The following ZNF831 variants were observed in gnomAD, a reference collection of about 807,000 sequenced individuals.
The protein encoded by ZNF831 is chromosome 20 open reading frame 174.
A neutral mutation model predicts 95.8 loss-of-function variants in ZNF831; 59 were observed. The ratio of observed to expected loss-of-function variants is 0.62; its 90% CI spans 0.50 to 0.77. The LOEUF (loss-of-function observed/expected upper bound fraction) is 0.77. Ranked by LOEUF, ZNF831 falls within the 30% of genes least tolerant of loss-of-function variation. The probability of loss-of-function intolerance (pLI) is 0.00; values close to 1 mark genes in which losing one functional copy is unlikely to be tolerated. For missense variants in ZNF831, 2,205 were observed against 2,164.0 expected, an observed-to-expected ratio of 1.02 and a Z score of -0.38; for synonymous variants, 961 against 925.5, an observed-to-expected ratio of 1.04 and a Z score of -0.70.
chr20:59,130,236 T>C (rs1317741444), intron 1 of ZNF831, among the ~76,000 whole-genome samples: 1 of 152,008 alleles, frequency 6.6e-6, no homozygotes, highest in Non-Finnish European at 1.5e-5. Flanking sequence ...CTTGGGTGGG[T>C]GTCGTGAGAG....
intron 4 of ZNF831, among the ~76,000 whole-genome samples, chr20:59,250,466 A>G (rs908345844): frequency 6.6e-6 from 1 of 152,230 alleles, no homozygotes; most frequent in Non-Finnish European, 1.5e-5. Context: ...TGGTTGACAG[A>G]TTGCACTTGT....
chr20:59,143,221 A>G (rs1276494313), intron 1 of ZNF831, among the ~76,000 whole-genome samples: 1 of 152,102 alleles, frequency 6.6e-6, no homozygotes, highest in Admixed American at 6.5e-5. Context: ...TTTATTTGCC[A>G]TTTTGCTCCT....
intron 4 of ZNF831, among the ~76,000 whole-genome samples, chr20:59,246,702 G>T (rs1300723233): frequency 1.3e-5 from 2 of 152,172 alleles, no homozygotes; most frequent in Non-Finnish European, 2.9e-5. Flanking sequence ...TTTCATCAGA[G>T]AAATAGAAAA....
chr20:59,243,545 G>A (rs971067498), intron 4 of ZNF831, among the ~76,000 whole-genome samples: 15 of 152,070 alleles, frequency 9.9e-5, no homozygotes, highest in African/African-American at 2.9e-4. Context: ...GTCACAAATC[G>A]CCTCAAAATG....
intron 1 of ZNF831, among the ~76,000 whole-genome samples, chr20:59,189,791 G>A (rs1247778545): frequency 2.0e-5 from 3 of 152,174 alleles, no homozygotes; most frequent in East Asian, 1.9e-4. Context: ...GATTACAGGC[G>A]TGAGCCACCA....
At chr20:59,233,599 G>C (rs1986854082) in intron 4 of ZNF831, among the ~76,000 whole-genome samples, 1 of 152,218 alleles carries the variant, frequency 6.6e-6, no homozygotes, top group Non-Finnish European at 1.5e-5. Flanking sequence ...TTCAGTGGAA[G>C]GAGAGTAAAC....
At position 59,192,076 on chromosome 20, in the gene ZNF831, G is replaced by A. The variant is rs1983603868; in HGVS notation, c.1057G>A (p.Ala353Thr). 1 of 1,604,800 alleles carries A rather than the reference G, an allele frequency of 6.2e-7. No homozygotes were observed. Among genetic ancestry groups the A allele is most frequent in the Middle Eastern group, 1.7e-4 (1 of 6,016 alleles). Residue 353 changes from alanine to threonine, a missense_variant, in exon 2 of 6, where the codon GCG (alanine) becomes ACG (threonine). Transcript: ENST00000371030. The surrounding 1 kb of genome is among the most constrained non-coding windows in gnomAD (Gnocchi z 5.2). ...DSGYLSRSDS[A>T]EQPHAPCSPL... ...GGGGTACCTGTCGCGCTCCGACAGC[G>A]CGGAGCAGCCGCATGCGCCCTGCAG...
chr20:59,213,797 A>G (rs1985499469), intron 4 of ZNF831, among the ~76,000 whole-genome samples: 1 of 152,074 alleles, frequency 6.6e-6, no homozygotes, highest in African/African-American at 2.4e-5. Context: ...TGGAATCACC[A>G]TTTTCAACCT....
At chr20:59,240,370 A>G (rs1348970106) in intron 4 of ZNF831, among the ~76,000 whole-genome samples, 1 of 152,200 alleles carries the variant, frequency 6.6e-6, no homozygotes, top group South Asian at 2.1e-4. Context: ...GGTAGAATAG[A>G]ATCCTTCAGG....
chr20:59,154,362 T>C (rs1457843887), intron 2 of ZNF831, among the ~76,000 whole-genome samples: 3 of 152,142 alleles, frequency 2.0e-5, no homozygotes, highest in Non-Finnish European at 4.4e-5. Flanking sequence ...ACCCAGGTGG[T>C]GCGGTCCCAG....
chr20:59,252,823 T>C (rs138194701), intron 4 of ZNF831, among the ~76,000 whole-genome samples, 155 bp from the exon 5 acceptor site: 6 of 152,198 alleles, frequency 3.9e-5, no homozygotes, highest in African/African-American at 7.2e-5. Flanking sequence ...CAAATGTGAA[T>C]TGGTTGGAGA....
intron 3 of ZNF831, among the ~76,000 whole-genome samples, chr20:59,197,133 C>T (rs1227126815): frequency 6.6e-6 from 1 of 152,034 alleles, no homozygotes; most frequent in Non-Finnish European, 1.5e-5. Flanking sequence ...GATCCAAATT[C>T]CTAACTTTCC....
intron 2 of ZNF831, among the ~76,000 whole-genome samples, chr20:59,156,143 G>A (rs1980525785): frequency 6.6e-6 from 1 of 152,168 alleles, no homozygotes; most frequent in African/African-American, 2.4e-5. Flanking sequence ...CACCATTAAG[G>A]CCGTAGACAT....
Position 59,193,200 on chromosome 20 carries a change from G to A in ZNF831, c.2181G>A (p.Glu727=). Residue 727 remains glutamate, a synonymous_variant, in exon 2 of 6, where the codon GAG becomes GAA. Coordinates refer to ENST00000371030, the MANE Select transcript of ZNF831 (RefSeq NM_178457.3). Reference sequence around the variant, plus strand: ...ACAGTGACCGACCCAGGGTGGAAGAGGCTGTGTCATCCCCTGCACTGGGTG... The same window carrying A: ...ACAGTGACCGACCCAGGGTGGAAGAAGCTGTGTCATCCCCTGCACTGGGTG... ...RGDSDRPRVE[E]AVSSPALGGR... is the part of the protein sequence containing the mutation. 2 of 1,582,938 alleles carry A rather than the reference G, an allele frequency of 1.3e-6. No homozygotes were observed. Among genetic ancestry groups the A allele is most frequent in the East Asian group, 2.3e-5 (1 of 42,826 alleles).
At chr20:59,248,863 T>C (rs767465090) in intron 4 of ZNF831, among the ~76,000 whole-genome samples, 4 of 152,222 alleles carry the variant, frequency 2.6e-5, no homozygotes, top group Admixed American at 2.6e-4. Flanking sequence ...AGCCATCTCA[T>C]CTGGCCCCTG....
At chr20:59,196,543 T>C (rs529863264) in intron 3 of ZNF831, among the ~76,000 whole-genome samples, 1 of 152,312 alleles carries the variant, frequency 6.6e-6, no homozygotes, top group African/African-American at 2.4e-5. Flanking sequence ...CTTTCTTGGA[T>C]TGTCTTTCTC....
chr20:59,183,298 C>G (rs866693427), intron 1 of ZNF831, among the ~76,000 whole-genome samples: 2 of 152,178 alleles, frequency 1.3e-5, no homozygotes, highest in Non-Finnish European at 2.9e-5. Context: ...TTTGGGCAAG[C>G]CTAGCTGGGT....
intron 4 of ZNF831, among the ~76,000 whole-genome samples, chr20:59,237,832 T>C (rs1242280503): frequency 2.0e-5 from 3 of 152,094 alleles, no homozygotes; most frequent in African/African-American, 7.2e-5. Context: ...TGGGAGGAGG[T>C]GCTGACTGCC....
rs535904135 is a variant in ZNF831, at chr20:59,132,308, G to T, written c.-1425+8803G>T. On this transcript the variant is annotated intron_variant, in intron 1 of 7. Coordinates refer to the ZNF831 transcript ENST00000637017. ...TTAACTCTTTTTTTTTTTTTTTTTG[G>T]CCATTGTCTGACTTCAGTAAACTGT... Among the ~76,000 whole-genome samples, 256 of 88,910 alleles carry T rather than the reference G, an allele frequency of 2.9e-3. 4 individuals are homozygous for T. The highest frequency in any genetic ancestry group is 8.6e-3 in the African/African-American group (244 of 28,328). The allele number at this position is 88,910 out of a possible 152,430, so 58.3% of individuals were successfully genotyped here.
Sources: gnomAD v4.1 joint callset for allele counts (sites outside exome capture counted in the v4.1 genomes callset) on GRCh38, gnomAD v4.1.1 for gene constraint, Gnocchi (gnomAD v3.1) non-coding constraint, MANE v1.5 for transcripts, NCBI Gene and HGNC (gene_info 2026-07-23, HGNC 2026-07-21) for gene names.